GLIS3: variants seen among roughly 807,000 people sequenced by gnomAD.
The protein encoded by GLIS3 is GLIS family zinc finger 3, also known as zinc finger protein GLIS3.
A neutral mutation model predicts 78.6 loss-of-function variants in GLIS3; 53 were observed. The ratio of observed to expected loss-of-function variants is 0.67; its 90% CI spans 0.54 to 0.85. The LOEUF is 0.85. Among genes scored for constraint, GLIS3 ranks in the 40% least tolerant of loss-of-function variants. GLIS3 has a pLI of 0.00. For synonymous variants in GLIS3, 684 were observed against 509.9 expected, an observed-to-expected ratio of 1.34 and a Z score of -4.60; for missense variants, 1,703 against 1,231.1, an observed-to-expected ratio of 1.38 and a Z score of -5.74.
At chr9:3,858,400 T>C (rs758735816) in intron 8 of GLIS3, among the ~76,000 whole-genome samples, 1 of 152,122 alleles carries the variant, frequency 6.6e-6, no homozygotes, top group Non-Finnish European at 1.5e-5. Context: ...CTACCAAATA[T>C]TACCCAGTAT....
the GLIS3 span, among the ~76,000 whole-genome samples, chr9:4,384,232 G>T: frequency 6.6e-6 from 1 of 152,194 alleles, no homozygotes; most frequent in Non-Finnish European, 1.5e-5. Flanking sequence ...CTTATAAGGG[G>T]TTTCCATCAT....
At chr9:4,331,851 G>A (rs191628936) in intron 2 of GLIS3, among the ~76,000 whole-genome samples, 1 of 152,096 alleles carries the variant, frequency 6.6e-6, no homozygotes, top group East Asian at 1.9e-4. Context: ...CATGAACAAA[G>A]GCCCAGAAAC....
At chr9:4,345,774 A>G (rs1240417198) in intron 2 of GLIS3, among the ~76,000 whole-genome samples, 1 of 152,234 alleles carries the variant, frequency 6.6e-6, no homozygotes, top group Non-Finnish European at 1.5e-5. Context: ...CCACAAGAAG[A>G]TAAAGCAAAA....
chr9:4,225,883 G>A (rs187701707), intron 2 of GLIS3, among the ~76,000 whole-genome samples: 137 of 152,272 alleles, frequency 9.0e-4, no homozygotes, highest in Admixed American at 9.0e-3. Flanking sequence ...GGGAAATGAG[G>A]AAGGAGAAGG....
At chr9:4,190,827 C>T (rs1402477178) in intron 2 of GLIS3, among the ~76,000 whole-genome samples, 1 of 152,212 alleles carries the variant, frequency 6.6e-6, no homozygotes, top group Non-Finnish European at 1.5e-5. Flanking sequence ...TGACTAACAG[C>T]TGATCTCTTG....
chr9:4,289,236 C>A (rs574445979), intron 1 of GLIS3, among the ~76,000 whole-genome samples: 2 of 152,114 alleles, frequency 1.3e-5, no homozygotes, highest in African/African-American at 2.4e-5. Context: ...CTATTCATTA[C>A]GGCCTCTTGA....
At chr9:4,057,284 T>C (rs1379853460) in intron 4 of GLIS3, among the ~76,000 whole-genome samples, 1 of 152,148 alleles carries the variant, frequency 6.6e-6, no homozygotes, top group Non-Finnish European at 1.5e-5. Flanking sequence ...TCTTAATCAT[T>C]TCTGAACAAG....
chr9:4,219,929 T>C (rs1271586325), intron 2 of GLIS3, among the ~76,000 whole-genome samples: 1 of 152,142 alleles, frequency 6.6e-6, no homozygotes, highest in African/African-American at 2.4e-5. Flanking sequence ...AATACCACTG[T>C]CCACTAAAAG....
At chr9:3,994,001 A>C (rs1820537326) in intron 4 of GLIS3, among the ~76,000 whole-genome samples, 2 of 152,194 alleles carry the variant, frequency 1.3e-5, no homozygotes, top group Non-Finnish European at 2.9e-5. Flanking sequence ...AGTCATCCAG[A>C]GAGCTTGTTA....
intron 2 of GLIS3, among the ~76,000 whole-genome samples, chr9:4,179,693 T>G (rs1817125692): frequency 6.6e-6 from 1 of 152,078 alleles, no homozygotes; most frequent in Admixed American, 6.5e-5. Context: ...GCAGATCAGC[T>G]GAGGTTAGGA....
the GLIS3 span, among the ~76,000 whole-genome samples, chr9:4,402,736 A>G: frequency 6.6e-6 from 1 of 152,202 alleles, no homozygotes; most frequent in Non-Finnish European, 1.5e-5. Flanking sequence ...CAGAAGAAAG[A>G]CTTATTGAGC....
chr9:4,363,911 T>C, the GLIS3 span, among the ~76,000 whole-genome samples: 2 of 152,224 alleles, frequency 1.3e-5, no homozygotes, highest in Admixed American at 1.3e-4. Flanking sequence ...CAAGAGTGTT[T>C]CCAGTTATGA....
rs73384239 is a variant in GLIS3, at chr9:3,874,597, C to T, written c.2297+4830G>A. Among the ~76,000 whole-genome samples, 524 of 152,224 alleles carry T rather than the reference C, an allele frequency of 3.4e-3. 4 individuals are homozygous for T. Among genetic ancestry groups the T allele is most frequent in the African/African-American group, 0.011 (468 of 41,546 alleles). On this transcript the variant is annotated intron_variant, in intron 8 of 10. Transcript: ENST00000381971. ...CTGGCATCAGAAGTGGGGGGCAGTC[C>T]TGTGGAACTGTGTCCTCAACCTGTG...
the GLIS3 span, among the ~76,000 whole-genome samples, chr9:4,379,959 G>C: frequency 2.1e-5 from 2 of 95,742 alleles, no homozygotes; most frequent in Non-Finnish European, 4.3e-5. Context: ...GGCAGACAGA[G>C]TGAAAGACCC....
chr9:4,241,252 G>T (rs1043502051), intron 2 of GLIS3, among the ~76,000 whole-genome samples: 2 of 152,118 alleles, frequency 1.3e-5, no homozygotes, highest in Admixed American at 1.3e-4. Flanking sequence ...GCAAAAGATG[G>T]TGTCTCCCAA....
At chr9:4,385,686 A>AAAAG in the GLIS3 span, among the ~76,000 whole-genome samples, 2 of 139,140 alleles carry the variant, frequency 1.4e-5, no homozygotes, top group South Asian at 2.2e-4. Context: ...AAAAAAAGAA[A>AAAAG]AAAGAAAGAA....
the GLIS3 span, among the ~76,000 whole-genome samples, chr9:4,478,161 G>A: frequency 3.3e-5 from 5 of 152,064 alleles, no homozygotes; most frequent in Non-Finnish European, 7.4e-5. Flanking sequence ...TGAAACAAGT[G>A]GTTGTTTAAA....
At chr9:4,180,560 T>A (rs34755235) in intron 2 of GLIS3, among the ~76,000 whole-genome samples, 20,427 of 152,188 alleles carry the variant, frequency 0.13, 1,530 homozygotes, top group Middle Eastern at 0.23. Flanking sequence ...AGGCCTATCA[T>A]CAGAAATATT....
At chr9:4,382,174 A>C in the GLIS3 span, among the ~76,000 whole-genome samples, 1 of 152,190 alleles carries the variant, frequency 6.6e-6, no homozygotes, top group South Asian at 2.1e-4. Context: ...TGAAACATCT[A>C]GAGTGGTTTC....
Sources: gnomAD v4.1 joint callset for allele counts (sites outside exome capture counted in the v4.1 genomes callset) on GRCh38, gnomAD v4.1.1 for gene constraint, MANE v1.5 for transcripts, NCBI Gene and HGNC (gene_info 2026-07-23, HGNC 2026-07-21) for gene names.